Variants in RBFOX1 observed in about 807,000 individuals in gnomAD.
RBFOX1 encodes RNA binding protein fox-1 homolog 1.
A neutral mutation model predicts 57.7 loss-of-function variants in RBFOX1; 8 were observed. The observed-to-expected ratio is 0.14, with a 90% CI of 0.08 to 0.25. The LOEUF (loss-of-function observed/expected upper bound fraction) is 0.25, where lower values mean the gene tolerates loss of function less well. Ranked by LOEUF, RBFOX1 falls within the 10% of genes least tolerant of loss-of-function variation. The pLI is 1.00. For missense variants in RBFOX1, 611 were observed against 548.5 expected (o/e 1.11, Z -1.14); for synonymous variants, 326 against 222.4 (o/e 1.47, Z -4.15).
chr16:6,980,797 C>G (rs901450823), intron 3 of RBFOX1, among the ~76,000 whole-genome samples: 1 of 152,148 alleles, frequency 6.6e-6, no homozygotes, highest in Non-Finnish European at 1.5e-5. Context: ...AATCCCAGCA[C>G]TTTGGGAGGC....
At chr16:6,655,703 C>T (rs564553726) in intron 3 of RBFOX1, among the ~76,000 whole-genome samples, 2 of 152,244 alleles carry the variant, frequency 1.3e-5, no homozygotes, top group Non-Finnish European at 2.9e-5. Flanking sequence ...CCAAAGAGGT[C>T]AAATAAGCAA....
chr16:6,950,386 C>T (rs956879713), intron 3 of RBFOX1, among the ~76,000 whole-genome samples: 1 of 144,236 alleles, frequency 6.9e-6, no homozygotes. Context: ...CCACCCACCA[C>T]CCACTACCCA....
intron 3 of RBFOX1, among the ~76,000 whole-genome samples, chr16:6,659,766 G>C (rs1453366573): frequency 6.6e-6 from 1 of 152,098 alleles, no homozygotes; most frequent in African/African-American, 2.4e-5. Context: ...TGCCCTTCCG[G>C]GAAGTAGTTG....
intron 5 of RBFOX1, among the ~76,000 whole-genome samples, chr16:7,542,699 G>GAAAAAAAAA (rs59316335): frequency 2.7e-5 from 2 of 74,360 alleles, no homozygotes; most frequent in African/African-American, 5.4e-5. Context: ...TACTAAAAAT[G>GAAAAAAAAA]AAAAAAAAAA....
chr16:6,286,839 A>C (rs1254604098), intron 1 of RBFOX1, among the ~76,000 whole-genome samples: 1 of 152,192 alleles, frequency 6.6e-6, no homozygotes, highest in Admixed American at 6.5e-5. Flanking sequence ...ATTTATTTCT[A>C]TTCCTTCTCT....
intron 3 of RBFOX1, 143 bp from the exon 4 acceptor site, chr16:7,051,914 G>A: frequency 7.9e-7 from 1 of 1,272,086 alleles, no homozygotes; most frequent in Non-Finnish European, 1.1e-6. Context: ...GAGCTATGTA[G>A]ACCTAAAGAA....
intron 2 of RBFOX1, among the ~76,000 whole-genome samples, chr16:6,527,756 C>G (rs115392004): frequency 2.0e-5 from 3 of 152,074 alleles, no homozygotes; most frequent in African/African-American, 7.2e-5. Flanking sequence ...TTTTGTCTCT[C>G]ACCTTGTGGG....
intron 4 of RBFOX1, among the ~76,000 whole-genome samples, chr16:7,476,922 C>T (rs925567371): frequency 8.5e-5 from 13 of 152,146 alleles, no homozygotes; most frequent in Non-Finnish European, 1.8e-4. Context: ...TCCCCCAAAG[C>T]TTTACCAAGC....
chr16:6,362,783 G>T (rs1427941736), intron 2 of RBFOX1, among the ~76,000 whole-genome samples: 1 of 152,152 alleles, frequency 6.6e-6, no homozygotes, highest in African/African-American at 2.4e-5. Context: ...GAATTTTGCC[G>T]TTATAGCCAA....
chr16:6,184,182 C>G (rs1031816720), intron 1 of RBFOX1, among the ~76,000 whole-genome samples: 1 of 152,144 alleles, frequency 6.6e-6, no homozygotes, highest in African/African-American at 2.4e-5. Flanking sequence ...TCAGTTACCT[C>G]CCATCCGGCT....
intron 1 of RBFOX1, among the ~76,000 whole-genome samples, chr16:5,424,491 G>A (rs1187865127): frequency 2.0e-5 from 3 of 151,522 alleles, no homozygotes; most frequent in South Asian, 2.1e-4. Context: ...CAGGGGCCCA[G>A]CACTTACGAG....
chr16:5,595,249 C>T (rs116211983), intron 2 of RBFOX1, among the ~76,000 whole-genome samples: 1 of 152,182 alleles, frequency 6.6e-6, no homozygotes, highest in South Asian at 2.1e-4. Flanking sequence ...AATGCCACCT[C>T]TGGGAGCTGA....
chr16:7,041,349 G>C (rs2046121801), intron 3 of RBFOX1, among the ~76,000 whole-genome samples: 1 of 152,100 alleles, frequency 6.6e-6, no homozygotes, highest in East Asian at 1.9e-4. Flanking sequence ...AAGAGAGTCT[G>C]TGGCTCTCAA....
intron 3 of RBFOX1, among the ~76,000 whole-genome samples, chr16:7,029,473 T>G (rs1241649598): frequency 4.6e-5 from 7 of 151,664 alleles, no homozygotes; most frequent in Non-Finnish European, 1.0e-4. Context: ...GAATAGAGTT[T>G]GGTTTAGGTG....
intron 1 of RBFOX1, among the ~76,000 whole-genome samples, chr16:6,250,182 C>T (rs992464214): frequency 9.9e-5 from 15 of 152,172 alleles, no homozygotes; most frequent in African/African-American, 2.7e-4. Context: ...TTGCTTTCAC[C>T]AGGCTATAAG....
intron 3 of RBFOX1, among the ~76,000 whole-genome samples, chr16:6,926,443 G>A (rs183906409): frequency 6.6e-6 from 1 of 152,184 alleles, no homozygotes; most frequent in Non-Finnish European, 1.5e-5. Flanking sequence ...CCTGCCTCCT[G>A]ATCGGTGTTC....
chr16:5,785,154 A>G (rs1401687850), intron 3 of RBFOX1, among the ~76,000 whole-genome samples: 1 of 152,212 alleles, frequency 6.6e-6, no homozygotes, highest in Non-Finnish European at 1.5e-5. Context: ...ACGGGTGTTA[A>G]AGAGACGGGA....
intron 2 of RBFOX1, among the ~76,000 whole-genome samples, chr16:6,542,777 C>T (rs1357704707): frequency 1.3e-5 from 2 of 152,158 alleles, no homozygotes; most frequent in South Asian, 2.1e-4. Context: ...CAGGTGTGAA[C>T]CACTGCGCCC....
At chr16:7,412,607 G>A (rs555788131) in intron 4 of RBFOX1, among the ~76,000 whole-genome samples, 4 of 152,238 alleles carry the variant, frequency 2.6e-5, no homozygotes, top group African/African-American at 4.8e-5. Flanking sequence ...TGTTTATAGC[G>A]TTTCTCACTT....
Sources: gnomAD v4.1 joint callset for allele counts (sites outside exome capture counted in the v4.1 genomes callset) on GRCh38, gnomAD v4.1.1 for gene constraint, MANE v1.5 for transcripts, NCBI Gene and HGNC (gene_info 2026-07-23, HGNC 2026-07-21) for gene names.